The following PHKB variants were observed in gnomAD, a reference collection of about 807,000 sequenced individuals.
PHKB encodes phosphorylase b kinase regulatory subunit beta.
PHKB carries 122 observed loss-of-function variants against 152.1 expected under a neutral mutation model. That is an observed-to-expected ratio of 0.80 (90% CI 0.69 to 0.93). PHKB has a LOEUF of 0.93. PHKB is among the 40% of genes least tolerant of loss of function. The pLI, the probability that PHKB is intolerant of heterozygous loss-of-function variation, is 0.00. For synonymous variants in PHKB, 436 were observed against 464.9 expected, an observed-to-expected ratio of 0.94 and a Z score of 0.80; for missense variants, 1,304 against 1,328.4, an observed-to-expected ratio of 0.98 and a Z score of 0.29.
chr16:47,464,171 G>T, intron 1 of PHKB: 1 of 620,106 alleles, frequency 1.6e-6, no homozygotes, highest in Non-Finnish European at 2.9e-6. Flanking sequence ...GGCCTATTGT[G>T]TTCTTCTCAT....
chr16:47,558,582 C>T (rs1049899467), intron 7 of PHKB, among the ~76,000 whole-genome samples: 1 of 152,206 alleles, frequency 6.6e-6, no homozygotes, highest in Non-Finnish European at 1.5e-5. Context: ...CAGAGTCTCA[C>T]TCTGTTGCTC....
intron 26 of PHKB, among the ~76,000 whole-genome samples, chr16:47,680,422 TATTA>T (rs1193443444): frequency 6.6e-6 from 1 of 152,230 alleles, no homozygotes; most frequent in Non-Finnish European, 1.5e-5. Context: ...GTTGGTAAGC[TATTA>T]ATTATTGCCA....
chr16:47,515,387 T>C (rs1970578143), intron 5 of PHKB, 134 bp from the exon 6 acceptor site: 2 of 667,232 alleles, frequency 3.0e-6, no homozygotes, highest in Middle Eastern at 7.8e-4. Flanking sequence ...ACAACACCTT[T>C]ATTCACAGTA....
intron 14 of PHKB, among the ~76,000 whole-genome samples, chr16:47,630,308 C>T (rs1417523825): frequency 2.0e-5 from 3 of 152,006 alleles, no homozygotes; most frequent in African/African-American, 7.3e-5. Flanking sequence ...ATGGTGAAAC[C>T]TTGTCTCTAC....
intron 1 of PHKB, among the ~76,000 whole-genome samples, chr16:47,485,386 G>A (rs1970032171): frequency 6.6e-6 from 1 of 152,182 alleles, no homozygotes; most frequent in Non-Finnish European, 1.5e-5. Flanking sequence ...TAGAGGTTAA[G>A]ATGCATCCAT....
intron 6 of PHKB, among the ~76,000 whole-genome samples, chr16:47,522,998 A>G (rs996192440): frequency 6.5e-5 from 6 of 91,694 alleles, no homozygotes; most frequent in Non-Finnish European, 1.1e-4. Context: ...TTCTGTCTCT[A>G]TTGATTTTGT....
chr16:47,479,987 T>A (rs2151633168), intron 1 of PHKB, among the ~76,000 whole-genome samples: 1 of 152,324 alleles, frequency 6.6e-6, no homozygotes, highest in Admixed American at 6.5e-5. Context: ...TTGAGGCCAT[T>A]GCTGTACATT....
At chr16:47,525,406 A>G (rs1208265887) in intron 6 of PHKB, among the ~76,000 whole-genome samples, 2 of 152,240 alleles carry the variant, frequency 1.3e-5, no homozygotes, top group African/African-American at 2.4e-5. Context: ...AGGAAAAAAT[A>G]TATGAAATAA....
chr16:47,593,375 G>A, intron 10 of PHKB, 125 bp from the exon 11 acceptor site: 1 of 642,036 alleles, frequency 1.6e-6, no homozygotes, highest in East Asian at 2.9e-5. Flanking sequence ...AGGAGGGCAA[G>A]GCTGCAGAGA....
intron 20 of PHKB, among the ~76,000 whole-genome samples, chr16:47,652,077 C>T (rs374681994): frequency 2.0e-5 from 3 of 151,540 alleles, no homozygotes; most frequent in East Asian, 1.9e-4. Flanking sequence ...TTATCTCTTT[C>T]GGGGTTTTTT....
intron 7 of PHKB, among the ~76,000 whole-genome samples, chr16:47,554,139 C>G (rs1426455175): frequency 1.3e-5 from 2 of 152,180 alleles, no homozygotes; most frequent in Non-Finnish European, 2.9e-5. Flanking sequence ...CCCCTTCCCT[C>G]TGTCCCAGGG....
chr16:47,574,175 C>T (rs1237412862), intron 7 of PHKB, among the ~76,000 whole-genome samples: 2 of 152,218 alleles, frequency 1.3e-5, no homozygotes, highest in African/African-American at 4.8e-5. Context: ...CCGTTTCAGC[C>T]TCCCAAAGTT....
chr16:47,589,375 A>T, intron 10 of PHKB, among the ~76,000 whole-genome samples: 1 of 152,242 alleles, frequency 6.6e-6, no homozygotes, highest in Non-Finnish European at 1.5e-5. Context: ...GTTAGCTCTT[A>T]TTACCAGTGA....
chr16:47,618,149 G>A (rs1292092209), intron 14 of PHKB, among the ~76,000 whole-genome samples: 1 of 152,208 alleles, frequency 6.6e-6, no homozygotes, highest in Non-Finnish European at 1.5e-5. Flanking sequence ...AAGTGGTATC[G>A]TTTGTTTTAT....
intron 6 of PHKB, among the ~76,000 whole-genome samples, chr16:47,523,746 A>T (rs1320837411): frequency 6.6e-6 from 1 of 152,162 alleles, no homozygotes; most frequent in Non-Finnish European, 1.5e-5. Flanking sequence ...TGCAGTGTTA[A>T]ATGGTTGCAA....
intron 1 of PHKB, among the ~76,000 whole-genome samples, chr16:47,480,866 T>C (rs767195817): frequency 2.0e-5 from 3 of 152,168 alleles, no homozygotes; most frequent in Non-Finnish European, 4.4e-5. Flanking sequence ...ACACTTAGAA[T>C]AGACATGAAA....
chr16:47,629,252 GA>G, intron 14 of PHKB, among the ~76,000 whole-genome samples: 1 of 151,936 alleles, frequency 6.6e-6, no homozygotes, highest in Non-Finnish European at 1.5e-5. Context: ...CAAAATGGGA[GA>G]AAATTTTCAC....
At chr16:47,672,862 T>A (rs1973660599) in intron 26 of PHKB, among the ~76,000 whole-genome samples, 1 of 152,154 alleles carries the variant, frequency 6.6e-6, no homozygotes, top group Non-Finnish European at 1.5e-5. Flanking sequence ...ACATACCATT[T>A]TTCCTTATAC....
intron 25 of PHKB, among the ~76,000 whole-genome samples, chr16:47,668,175 G>A (rs981146256): frequency 2.0e-5 from 3 of 152,182 alleles, no homozygotes; most frequent in African/African-American, 7.2e-5. Context: ...AAGCTCTGTG[G>A]AATGAAATCA....
Sources: allele counts gnomAD v4.1 joint callset (sites outside exome capture counted in the v4.1 genomes callset), GRCh38; gene constraint gnomAD v4.1.1; transcripts MANE v1.5; gene names NCBI Gene and HGNC (gene_info 2026-07-23, HGNC 2026-07-21).